The following LRMDA variants were observed in gnomAD, a reference collection of about 807,000 sequenced individuals.
The protein encoded by LRMDA is leucine-rich melanocyte differentiation-associated protein.
A neutral mutation model predicts 29.8 loss-of-function variants in LRMDA; 18 were observed. The ratio of observed to expected loss-of-function variants is 0.60; its 90% confidence interval spans 0.42 to 0.90. The LOEUF is 0.90. LRMDA is among the 40% of genes least tolerant of loss of function. LRMDA has a pLI of 0.00. For synonymous variants in LRMDA, 125 were observed against 109.4 expected (o/e 1.14, Z -0.89); for missense variants, 273 against 273.9 (o/e 1.00, Z 0.02).
At chr10:76,049,157 T>A (rs996792036) in intron 4 of LRMDA, among the ~76,000 whole-genome samples, 1 of 152,194 alleles carries the variant, frequency 6.6e-6, no homozygotes, top group African/African-American at 2.4e-5. Flanking sequence ...AAGTGTGGTC[T>A]ATCTCATGGG....
chr10:75,562,090 A>G (rs1317011526), intron 2 of LRMDA, among the ~76,000 whole-genome samples: 7 of 151,820 alleles, frequency 4.6e-5, no homozygotes, highest in African/African-American at 9.7e-5. Context: ...TATCCTTGTT[A>G]ACTTTCTGTC....
intron 2 of LRMDA, among the ~76,000 whole-genome samples, chr10:75,793,457 G>T (rs1412416760): frequency 2.0e-5 from 3 of 152,194 alleles, no homozygotes; most frequent in African/African-American, 7.2e-5. Flanking sequence ...ATGCATGTTT[G>T]TTGGAAATGA....
At chr10:76,302,523 C>CT (rs967608028) in intron 5 of LRMDA, among the ~76,000 whole-genome samples, 7 of 151,612 alleles carry the variant, frequency 4.6e-5, no homozygotes, top group Admixed American at 2.6e-4. Flanking sequence ...CGCTTGGTTT[C>CT]TTTTTTTTGG....
At chr10:75,848,793 CTGTG>C (rs1844683426) in intron 2 of LRMDA, among the ~76,000 whole-genome samples, 1 of 152,202 alleles carries the variant, frequency 6.6e-6, no homozygotes, top group African/African-American at 2.4e-5. Context: ...CATCACTCTT[CTGTG>C]TAAGTTCCAT....
chr10:76,281,123 C>G (rs1840198383), intron 5 of LRMDA, among the ~76,000 whole-genome samples: 1 of 152,170 alleles, frequency 6.6e-6, no homozygotes, highest in African/African-American at 2.4e-5. Context: ...GGTAGAATGA[C>G]AGGCTCTCAA....
chr10:76,350,177 A>AT (rs987823645), intron 6 of LRMDA, among the ~76,000 whole-genome samples: 36 of 152,074 alleles, frequency 2.4e-4, no homozygotes, highest in Admixed American at 4.6e-4. Flanking sequence ...AACAAAAAAA[A>AT]AAATAAATAA....
intron 2 of LRMDA, among the ~76,000 whole-genome samples, chr10:75,821,203 T>C (rs1322129518): frequency 6.6e-6 from 1 of 152,056 alleles, no homozygotes. Context: ...CAGGCAAGCA[T>C]ACAACAAAAA....
intron 2 of LRMDA, among the ~76,000 whole-genome samples, chr10:75,524,140 T>A (rs982738711): frequency 2.0e-5 from 3 of 152,080 alleles, no homozygotes; most frequent in African/African-American, 7.2e-5. Context: ...TATAGAGGGG[T>A]CTTGGACAAA....
At chr10:75,723,728 C>T (rs1450951564) in intron 2 of LRMDA, among the ~76,000 whole-genome samples, 8 of 152,304 alleles carry the variant, frequency 5.3e-5, no homozygotes, top group Non-Finnish European at 8.8e-5. Flanking sequence ...ATTTATTCAA[C>T]GAATTGTCCA....
chr10:76,228,965 T>C (rs1211685705), intron 5 of LRMDA, among the ~76,000 whole-genome samples: 2 of 152,170 alleles, frequency 1.3e-5, no homozygotes, highest in South Asian at 2.1e-4. Context: ...AAAGGCAAGA[T>C]GTGGGGAAGG....
At chr10:76,117,408 C>T (rs1352591114) in intron 5 of LRMDA, among the ~76,000 whole-genome samples, 1 of 152,176 alleles carries the variant, frequency 6.6e-6, no homozygotes, top group African/African-American at 2.4e-5. Flanking sequence ...ATCTACCTCA[C>T]ATGAGGGTAA....
chr10:76,435,024 C>CT (rs1373408487), intron 6 of LRMDA, among the ~76,000 whole-genome samples: 1 of 152,126 alleles, frequency 6.6e-6, no homozygotes, highest in Admixed American at 6.6e-5. Context: ...TTATCCTTCC[C>CT]TCCCACCCTG....
At chr10:76,352,254 A>G (rs890837593) in intron 6 of LRMDA, among the ~76,000 whole-genome samples, 1 of 152,152 alleles carries the variant, frequency 6.6e-6, no homozygotes, top group African/African-American at 2.4e-5. Context: ...TTGTGTGTAC[A>G]TTTATAACTG....
chr10:76,008,926 T>C (rs1348191638), intron 2 of LRMDA, among the ~76,000 whole-genome samples: 1 of 152,228 alleles, frequency 6.6e-6, no homozygotes, highest in Non-Finnish European at 1.5e-5. Context: ...GCCAATCCCC[T>C]TATTTTTTTG....
intron 6 of LRMDA, among the ~76,000 whole-genome samples, chr10:76,521,112 C>G (rs1188271007): frequency 6.6e-6 from 1 of 151,134 alleles, no homozygotes; most frequent in Non-Finnish European, 1.5e-5. Context: ...CTCTGTTGCT[C>G]CATTCTATTC....
In LRMDA at chr10:75,456,317, A is replaced by G. The variant is rs570196278; in HGVS notation, c.131+17823A>G. Among the ~76,000 whole-genome samples the G allele has an allele frequency of 2.0e-5, 3 of 152,316 alleles. No individual in the cohort carries two copies. In the East Asian group the frequency reaches 5.8e-4, roughly 29 times the overall value. On this transcript the variant is annotated intron_variant, in intron 2 of 6. Transcript: ENST00000611255. ...CTGCCACAAGCATGTGCCTCTTCAC[A>G]CCCAGCAAGGCCCTGTGGGCTGGCT...
intron 5 of LRMDA, among the ~76,000 whole-genome samples, chr10:76,214,446 G>A (rs568087528): frequency 2.4e-3 from 346 of 145,264 alleles, no homozygotes; most frequent in Non-Finnish European, 4.2e-3. Flanking sequence ...CCAGGTTCAC[G>A]CCATTCTCCT....
At chr10:75,668,061 C>A (rs1216369317) in intron 2 of LRMDA, among the ~76,000 whole-genome samples, 1 of 152,208 alleles carries the variant, frequency 6.6e-6, no homozygotes, top group Non-Finnish European at 1.5e-5. Context: ...CTTCCATGGC[C>A]CTATAAGCAA....
intron 6 of LRMDA, among the ~76,000 whole-genome samples, chr10:76,476,351 A>T (rs1328829397): frequency 2.0e-5 from 3 of 152,158 alleles, no homozygotes; most frequent in African/African-American, 7.2e-5. Context: ...CTAAACCAGG[A>T]AGAAGCAAAA....
Sources: allele counts gnomAD v4.1 joint callset (sites outside exome capture counted in the v4.1 genomes callset), GRCh38; gene constraint gnomAD v4.1.1; transcripts MANE v1.5; gene names NCBI Gene and HGNC (gene_info 2026-07-23, HGNC 2026-07-21).